The following RIMBP2 variants were observed in gnomAD, a reference collection of about 807,000 sequenced individuals.
RIMBP2 encodes the protein RIMS-binding protein 2.
RIMBP2 carries 48 observed loss-of-function variants against 118.6 expected under a neutral mutation model. The ratio of observed to expected loss-of-function variants is 0.40; its 90% CI spans 0.32 to 0.51. The LOEUF is 0.51. RIMBP2 is among the 20% of genes least tolerant of loss of function. The probability of loss-of-function intolerance (pLI) is 0.41; values close to 1 mark genes in which losing one functional copy is unlikely to be tolerated. For missense variants in RIMBP2, 1,551 were observed against 1,768.3 expected (o/e 0.88, Z 2.20); for synonymous variants, 762 against 742.9 (o/e 1.03, Z -0.42).
At position 130,446,102 on chromosome 12, in the gene RIMBP2, G is replaced by A. The variant is rs1027259826; in HGVS notation, c.582-833C>T. Among the ~76,000 whole-genome samples, 3 of 149,912 alleles carry A rather than the reference G, an allele frequency of 2.0e-5. No homozygotes were observed. The highest frequency in any genetic ancestry group is 4.9e-5 in the African/African-American group (2 of 40,518). ...ATTGGGATTAATAATTTTCAAAGCC[G>A]TGTCCAACTTGGAAAATCAAACACA... On this transcript the variant is annotated intron_variant, in intron 9 of 22. Coordinates refer to ENST00000690449, the MANE Select transcript of RIMBP2 (RefSeq NM_001393629.1). This position sits in a 1 kb window ranked among gnomAD's most constrained non-coding sequence, Gnocchi z 4.1.
chr12:130,638,007 C>T (rs2141009612), intron 1 of RIMBP2, among the ~76,000 whole-genome samples: 1 of 152,140 alleles, frequency 6.6e-6, no homozygotes, highest in African/African-American at 2.4e-5. Context: ...GTCCTCTGAA[C>T]CCAGCCCCAG....
intron 1 of RIMBP2, among the ~76,000 whole-genome samples, chr12:130,649,202 C>T (rs1017419851): frequency 4.1e-5 from 6 of 145,182 alleles, no homozygotes; most frequent in South Asian, 2.1e-4. Context: ...GTGCCAAGCG[C>T]GTGTGTGACT....
intron 2 of RIMBP2, among the ~76,000 whole-genome samples, chr12:130,603,042 T>C (rs1427517179): frequency 6.6e-6 from 1 of 152,100 alleles, no homozygotes; most frequent in East Asian, 1.9e-4. Context: ...AAAACCAAAA[T>C]TGGCACCATA....
intron 1 of RIMBP2, among the ~76,000 whole-genome samples, chr12:130,633,387 C>T (rs2062124825): frequency 6.6e-6 from 1 of 152,246 alleles, no homozygotes; most frequent in Middle Eastern, 3.4e-3. Flanking sequence ...ACTGTTCCCA[C>T]CAGAACGGTG....
At position 130,469,019 on chromosome 12, in the gene RIMBP2, C is replaced by T. The variant is rs1346657055; in HGVS notation, c.153+1674G>A. 6.6e-6 allele frequency: 1 copy of T among 152,358 alleles called. No individual in the cohort carries two copies. The highest frequency in any genetic ancestry group is 1.9e-4 in the East Asian group (1 of 5,174). 9.4% of individuals were successfully genotyped at this position (152,358 alleles called of 1,614,324 possible). ...GCTGAGGAACCCCGACCACCCCCCA[C>T]CTGCGTCAGAAGCTGCAGTTCAGGA... On this transcript the variant is annotated intron_variant, in intron 6 of 22. Coordinates refer to ENST00000690449, the MANE Select transcript of RIMBP2 (RefSeq NM_001393629.1). The surrounding 1 kb of genome is among the most constrained non-coding windows in gnomAD (Gnocchi z 4.8).
intron 2 of RIMBP2, among the ~76,000 whole-genome samples, chr12:130,594,683 A>AG (rs572370658): frequency 3.3e-4 from 50 of 151,718 alleles, no homozygotes; most frequent in Non-Finnish European, 4.9e-4. Context: ...GCTTGTTTTA[A>AG]GGGGGGGGTG....
chr12:130,552,020 T>G (rs961147983), intron 2 of RIMBP2, among the ~76,000 whole-genome samples: 2 of 152,240 alleles, frequency 1.3e-5, no homozygotes, highest in African/African-American at 4.8e-5. Context: ...AATGTTAAAG[T>G]CGTTTCCACA....
chr12:130,410,436 G>A (rs747301259), intron 19 of RIMBP2, among the ~76,000 whole-genome samples: 3 of 152,072 alleles, frequency 2.0e-5, no homozygotes, highest in East Asian at 1.9e-4. Flanking sequence ...CAAAGAAATC[G>A]TTGCCTGATT....
intron 14 of RIMBP2, chr12:130,428,616 G>A (rs2076947250): frequency 3.3e-6 from 1 of 301,828 alleles, no homozygotes; most frequent in African/African-American, 2.2e-5. Context: ...AAAACCCACT[G>A]GGGCTTACAA....
chr12:130,399,960 C>G, intron 21 of RIMBP2, 147 bp from the exon 22 acceptor site: 1 of 893,400 alleles, frequency 1.1e-6, no homozygotes, highest in Non-Finnish European at 1.7e-6. Context: ...GACTCTAAAT[C>G]AGGGTTTCCA....
intron 18 of RIMBP2, 126 bp downstream of exon 18, chr12:130,413,999 G>A (rs759030553): frequency 4.1e-5 from 42 of 1,015,134 alleles, no homozygotes; most frequent in Non-Finnish European, 5.8e-5. Flanking sequence ...ACCTCCTCCC[G>A]TGCCTCGCCC....
chr12:130,464,750 C>A (rs1320946346), intron 6 of RIMBP2, among the ~76,000 whole-genome samples: 1 of 152,246 alleles, frequency 6.6e-6, no homozygotes, highest in Non-Finnish European at 1.5e-5. Flanking sequence ...GCCTCTGAGT[C>A]TCTCTGTCCA....
intron 2 of RIMBP2, among the ~76,000 whole-genome samples, chr12:130,535,728 CATATATATACATATATATATATAT>C (rs1377805936): frequency 0.027 from 3,410 of 127,650 alleles, 45 homozygotes; most frequent in Non-Finnish European, 0.038. Context: ...CATATATATA[CATATATATACATATATATATATAT>C]ATATATATAT....
chr12:130,714,825 A>G (rs1432852871), intron 1 of RIMBP2, among the ~76,000 whole-genome samples: 1 of 151,950 alleles, frequency 6.6e-6, no homozygotes, highest in African/African-American at 2.4e-5. Context: ...ACAAGCCAAG[A>G]CCCCACAGCC....
chr12:130,588,107 C>T (rs945578362), intron 2 of RIMBP2, among the ~76,000 whole-genome samples: 13 of 152,108 alleles, frequency 8.5e-5, no homozygotes, highest in Non-Finnish European at 4.4e-5. Context: ...TGAATCATCT[C>T]CTTTCCCTTC....
At chr12:130,520,880 A>T (rs2052032945) in intron 2 of RIMBP2, among the ~76,000 whole-genome samples, 1 of 152,176 alleles carries the variant, frequency 6.6e-6, no homozygotes, top group South Asian at 2.1e-4. Flanking sequence ...GCCTTCTCAT[A>T]CTATGAGACT....
At chr12:130,619,675 C>T (rs1039184472) in intron 2 of RIMBP2, among the ~76,000 whole-genome samples, 3 of 152,174 alleles carry the variant, frequency 2.0e-5, no homozygotes, top group Non-Finnish European at 4.4e-5. Context: ...AAGGGGACCG[C>T]ACAGACACCA....
At chr12:130,596,676 A>G (rs569426618) in intron 2 of RIMBP2, among the ~76,000 whole-genome samples, 37 of 152,328 alleles carry the variant, frequency 2.4e-4, no homozygotes, top group Admixed American at 8.5e-4. Flanking sequence ...AGTGCTCGGT[A>G]ACAGTTGTTA....
At position 130,451,409 on chromosome 12, in the gene RIMBP2, C is replaced by T. The variant is rs74471843; in HGVS notation, c.359-69G>A. The stretch of plus-strand genomic sequence containing the variant: ...ACATCGTCAAAGCACGTTGGTCATG[C>T]GCCTACCCGGGGTGCCTTTCCCCTC... On this transcript the variant is annotated intron_variant, in intron 7 of 22. Coordinates refer to ENST00000690449, the MANE Select transcript of RIMBP2 (RefSeq NM_001393629.1). The T allele has an allele frequency of 5.1e-4, 760 of 1,502,132 alleles. 5 individuals carry two copies. The African/African-American group carries it at 7.7e-3, about 15-fold the overall frequency. 93.1% of individuals were successfully genotyped at this position (1,502,132 alleles called of 1,614,324 possible). A position where few individuals can be genotyped will look rare whatever the true frequency, so the allele number is the denominator to read the frequency against.
Sources: allele counts gnomAD v4.1 joint callset (sites outside exome capture counted in the v4.1 genomes callset), GRCh38; gene constraint gnomAD v4.1.1; non-coding constraint Gnocchi (gnomAD v3.1); transcripts MANE v1.5; gene names NCBI Gene and HGNC (gene_info 2026-07-23, HGNC 2026-07-21).